CYP2C19: variants seen among roughly 807,000 people sequenced by gnomAD.
CYP2C19 encodes cytochrome P450 family 2 subfamily C member 19.
In CYP2C19, 59 loss-of-function variants were observed where a neutral mutation model predicts 40.9. The observed-to-expected ratio is 1.44, with a 90% CI of 1.17 to 1.79. The LOEUF is 1.79. CYP2C19 is among the 40% of genes most tolerant of loss of function. The pLI is 0.00. For synonymous variants in CYP2C19, 253 were observed against 208.7 expected (o/e 1.21, Z -1.83); for missense variants, 754 against 596.9 (o/e 1.26, Z -2.74).
intron 5 of CYP2C19, among the ~76,000 whole-genome samples, chr10:94,785,066 T>C (rs185111928): frequency 8.2e-4 from 125 of 152,286 alleles, no homozygotes; most frequent in South Asian, 1.2e-3. Flanking sequence ...TTTCAAAACA[T>C]TAAACTCTTA....
intron 6 of CYP2C19, among the ~76,000 whole-genome samples, chr10:94,838,816 T>A (rs1446971782): frequency 6.6e-6 from 1 of 152,120 alleles, no homozygotes; most frequent in Non-Finnish European, 1.5e-5. Context: ...TTTGCCTTTT[T>A]CCTACAAAAG....
chr10:94,766,855 T>C (rs1407765935), intron 1 of CYP2C19, among the ~76,000 whole-genome samples: 2 of 151,864 alleles, frequency 1.3e-5, no homozygotes, highest in African/African-American at 4.8e-5. Flanking sequence ...TTAACAGCAG[T>C]GGGGTTAGAG....
At chr10:94,792,756 A>G (rs1241029694) in intron 5 of CYP2C19, among the ~76,000 whole-genome samples, 12 of 152,124 alleles carry the variant, frequency 7.9e-5, no homozygotes, top group Admixed American at 3.3e-4. Context: ...TTTGGGGGTA[A>G]CCCAACCTTT....
intron 5 of CYP2C19, among the ~76,000 whole-genome samples, chr10:94,817,339 G>A (rs538741259): frequency 6.6e-6 from 1 of 150,742 alleles, no homozygotes; most frequent in East Asian, 2.0e-4. Flanking sequence ...GTGATGATGA[G>A]CATTTTTTCA....
At chr10:94,798,340 A>C (rs1384716237) in intron 5 of CYP2C19, among the ~76,000 whole-genome samples, 1 of 152,146 alleles carries the variant, frequency 6.6e-6, no homozygotes, top group African/African-American at 2.4e-5. Flanking sequence ...ATTTGATTGC[A>C]CTGTGGTCTG....
chr10:94,818,080 A>T (rs1849040584), intron 5 of CYP2C19, among the ~76,000 whole-genome samples: 1 of 149,478 alleles, frequency 6.7e-6, no homozygotes, highest in South Asian at 2.1e-4. Flanking sequence ...GGTGTAAGGA[A>T]GGGATCCAGT....
chr10:94,788,817 T>A (rs921972867), intron 5 of CYP2C19, among the ~76,000 whole-genome samples: 1 of 152,192 alleles, frequency 6.6e-6, no homozygotes, highest in African/African-American at 2.4e-5. Context: ...TACATGTGCA[T>A]GTGTCTTTAT....
chr10:94,769,468 G>C (rs1222593887), intron 1 of CYP2C19, among the ~76,000 whole-genome samples: 1 of 152,184 alleles, frequency 6.6e-6, no homozygotes, highest in African/African-American at 2.4e-5. Flanking sequence ...TTGAGGTCCA[G>C]AACAGTGAAC....
At chr10:94,847,346 T>C (rs1217689275) in intron 7 of CYP2C19, among the ~76,000 whole-genome samples, 1 of 152,120 alleles carries the variant, frequency 6.6e-6, no homozygotes, top group Non-Finnish European at 1.5e-5. Context: ...TTTGTCCTTG[T>C]GATAGTTTGC....
At chr10:94,830,834 G>A (rs1471204371) in intron 6 of CYP2C19, among the ~76,000 whole-genome samples, 2 of 152,048 alleles carry the variant, frequency 1.3e-5, no homozygotes, top group South Asian at 2.1e-4. Context: ...TTTGATACAG[G>A]CATGCAATGT....
intron 5 of CYP2C19, among the ~76,000 whole-genome samples, chr10:94,793,995 C>T (rs56391651): frequency 0.012 from 1,858 of 152,184 alleles, 54 homozygotes; most frequent in African/African-American, 0.043. Flanking sequence ...CCTTGAGGTG[C>T]GGTGGTCTCC....
chr10:94,771,643 G>A (rs2134233751), intron 1 of CYP2C19, among the ~76,000 whole-genome samples: 1 of 152,138 alleles, frequency 6.6e-6, no homozygotes, highest in South Asian at 2.1e-4. Flanking sequence ...GCCTGTTGAT[G>A]CCTGATTGTC....
intron 1 of CYP2C19, among the ~76,000 whole-genome samples, chr10:94,773,028 G>A (rs1008072851): frequency 7.2e-5 from 11 of 152,198 alleles, no homozygotes; most frequent in South Asian, 4.1e-4. Flanking sequence ...TGATCCACCC[G>A]CCTCGGCCTC....
Position 94,853,230 on chromosome 10 carries a change from G to T in CYP2C19, c.*316G>T, listed in dbSNP as rs1849681983. 7.9e-6 allele frequency: 3 copies of T among 381,828 alleles called. No individual in the cohort carries two copies. Among genetic ancestry groups the T allele is most frequent in the Non-Finnish European group, 1.4e-5 (3 of 212,078 alleles). 23.7% of individuals were successfully genotyped at this position (381,828 alleles called of 1,614,324 possible). A position where few individuals can be genotyped will look rare whatever the true frequency, so the allele number is the denominator to read the frequency against. On this transcript the variant is annotated 3_prime_UTR_variant, in exon 9 of 9. Coordinates refer to ENST00000371321, the MANE Select transcript of CYP2C19 (RefSeq NM_000769.4). Reference sequence around the variant, plus strand: ...ATTCAAAGGCATTTCTTCTCTGCATGTTCTAAACAAAAAGCATTATTATTT... The same window carrying T: ...ATTCAAAGGCATTTCTTCTCTGCATTTTCTAAACAAAAAGCATTATTATTT...
chr10:94,838,647 T>C (rs1481099044), intron 6 of CYP2C19, among the ~76,000 whole-genome samples: 2 of 152,012 alleles, frequency 1.3e-5, no homozygotes, highest in East Asian at 1.9e-4. Flanking sequence ...GGACGGTTTG[T>C]GTTGAAGGGG....
rs572769873 is a variant in CYP2C19 at position 94,796,714 on chromosome 10, A to C, written c.819+14717A>C. The stretch of plus-strand genomic sequence containing the variant: ...TCTCCTTGAAGAGGTCCTTAACATC[A>C]CTCCTAAGTTGGATTCTTAGGTATT... On this transcript the variant is annotated intron_variant, in intron 5 of 8. Transcript: ENST00000371321. Among the ~76,000 whole-genome samples, 5 of 152,058 alleles carry C rather than the reference A, an allele frequency of 3.3e-5. No homozygotes were observed. The South Asian group carries it at 1.0e-3, about 32-fold the overall frequency.
intron 5 of CYP2C19, among the ~76,000 whole-genome samples, chr10:94,802,908 T>A (rs775930660): frequency 2.0e-5 from 3 of 152,214 alleles, no homozygotes; most frequent in Non-Finnish European, 4.4e-5. Flanking sequence ...ATGTTGAATA[T>A]TGGCCCTCAC....
At chr10:94,800,889 A>C (rs1395165279) in intron 5 of CYP2C19, among the ~76,000 whole-genome samples, 1 of 152,164 alleles carries the variant, frequency 6.6e-6, no homozygotes, top group Admixed American at 6.5e-5. Flanking sequence ...ACAGTATTTG[A>C]GTGAGAGTGT....
At chr10:94,801,220 G>T (rs1230110424) in intron 5 of CYP2C19, among the ~76,000 whole-genome samples, 1 of 152,164 alleles carries the variant, frequency 6.6e-6, no homozygotes, top group Non-Finnish European at 1.5e-5. Context: ...GCTTTCTCTT[G>T]TGGACATTTA....
Sources: gnomAD v4.1 joint callset for allele counts (sites outside exome capture counted in the v4.1 genomes callset) on GRCh38, gnomAD v4.1.1 for gene constraint, MANE v1.5 for transcripts, NCBI Gene and HGNC (gene_info 2026-07-23, HGNC 2026-07-21) for gene names.